MTFR1L: variants seen among roughly 807,000 people sequenced by gnomAD.
The protein encoded by MTFR1L is mitochondrial fission regulator 1-like.
In MTFR1L, 10 loss-of-function variants were observed where a neutral mutation model predicts 27.9. That is an observed-to-expected ratio of 0.36 (90% CI 0.22 to 0.61). MTFR1L has a LOEUF of 0.61. MTFR1L is among the 20% of genes least tolerant of loss of function. The pLI is 0.73. For missense variants in MTFR1L, 315 were observed against 363.7 expected (o/e 0.87, Z 1.09); for synonymous variants, 151 against 139.4 (o/e 1.08, Z -0.58).
In MTFR1L at chr1:25,826,920, GT is replaced by G; in HGVS notation, c.451+97del. The G allele has an allele frequency of 7.1e-7, 1 of 1,403,204 alleles. No individual in the cohort carries two copies. The highest frequency in any genetic ancestry group is 9.7e-7 in the Non-Finnish European group (1 of 1,027,862). The allele number at this position is 1,403,204 out of a possible 1,614,324, so 86.9% of individuals were successfully genotyped here. ...GGGGTAAAGAAAGTGGTAATCCTTG[GT>G]TTGCAGGTACTTAGGTTCCGGGCCC... is the stretch of plus-strand genomic sequence containing the variant. On this transcript the variant is annotated intron_variant, in intron 5 of 6. Coordinates refer to ENST00000374303, the MANE Select transcript of MTFR1L (RefSeq NM_001099625.2). This position sits in a 1 kb window ranked among gnomAD's most constrained non-coding sequence, Gnocchi z 4.1.
chr1:25,826,273 A>C lies in MTFR1L; in HGVS notation c.130-29A>C. 15 of 1,597,744 alleles carry C rather than the reference A, an allele frequency of 9.4e-6. No homozygotes were observed. The highest frequency in any genetic ancestry group is 1.3e-5 in the Non-Finnish European group (15 of 1,165,676). On this transcript the variant is annotated intron_variant, in intron 3 of 6. Transcript: ENST00000374303. The surrounding 1 kb of genome is among the most constrained non-coding windows in gnomAD (Gnocchi z 4.1). ...CTGATTGGCTCATCATGGCATCTGT[A>C]AATGTTGATGACTTTTGCTTCTCCA...
In MTFR1L at chr1:25,832,295, AGTT is replaced by A. The variant is rs2048255879; in HGVS notation, c.*273_*275del. On this transcript the variant is annotated 3_prime_UTR_variant, in exon 7 of 7. Transcript: ENST00000374303. ...ATCTTAGTTTAAAGGGTAAGAGAGA[AGTT>A]GTTTCTGGTTTTTCCTTGCCCCTGT... is the stretch of plus-strand genomic sequence containing the variant. 9.9e-7 allele frequency: 1 copy of A among 1,013,124 alleles called. No individual in the cohort carries two copies. Among genetic ancestry groups the A allele is most frequent in the Non-Finnish European group, 1.4e-6 (1 of 701,692 alleles). 62.8% of individuals were successfully genotyped at this position (1,013,124 alleles called of 1,614,324 possible).
In MTFR1L at chr1:25,831,905, A is replaced by G; in HGVS notation, c.774-16A>G. 3 of 1,598,614 alleles carry G rather than the reference A, an allele frequency of 1.9e-6. No homozygotes were observed. Among genetic ancestry groups the G allele is most frequent in the Admixed American group, 1.7e-5 (1 of 60,006 alleles). ...ACAGGAAAGAGTAAGTACTCAAGCTATTATTGTGTCTCTAGGAACCGGAGT... is the reference window on the plus strand; with the variant it reads ...ACAGGAAAGAGTAAGTACTCAAGCTGTTATTGTGTCTCTAGGAACCGGAGT... On this transcript the variant is annotated splice_polypyrimidine_tract_variant and intron_variant, in intron 6 of 6. Transcript: ENST00000374303.
In MTFR1L at chr1:25,823,727, G is replaced by A. The variant is rs201755779; in HGVS notation, c.108G>A (p.Pro36=). 1.4e-5 allele frequency: 23 copies of A among 1,614,000 alleles called. No homozygotes were observed. Among genetic ancestry groups the A allele is most frequent in the South Asian group, 5.5e-5 (5 of 91,068 alleles). ...TTGGGACCAACCTACCCTTGAAGCC[G>A]TGTGCCCGGGCGTCCTTTGAGGTGA... ...RRIGTNLPLK[P]CARASFETLP... Residue 36 remains proline, a synonymous_variant, in exon 3 of 7, where the codon CCG becomes CCA. Transcript: ENST00000374303.
rs986543324 is a variant in MTFR1L, at chr1:25,832,833, C to T, written c.*807C>T. 1 of 154,288 alleles carries T rather than the reference C, an allele frequency of 6.5e-6. No individual in the cohort carries two copies. The highest frequency in any genetic ancestry group is 6.4e-5 in the Admixed American group (1 of 15,668). The allele number at this position is 154,288 out of a possible 1,614,324, so 9.6% of individuals were successfully genotyped here. A position where few individuals can be genotyped will look rare whatever the true frequency, so the allele number is the denominator to read the frequency against. ...GGGCCAAGGTTTGTATGTACCACAC[C>T]ATGCATGACTCAGATGCCCTCAGGT... is the stretch of plus-strand genomic sequence containing the variant. On this transcript the variant is annotated 3_prime_UTR_variant, in exon 7 of 7. Transcript: ENST00000374303.
intron 5 of MTFR1L, 42 bp from the exon 6 acceptor site, chr1:25,829,467 C>G (rs1168914555): frequency 2.6e-6 from 4 of 1,556,510 alleles, no homozygotes; most frequent in Middle Eastern, 1.7e-4. Flanking sequence ...CTACTGTGTT[C>G]TAGCCCCAAT....
chr1:25,828,300 TG>T (rs2048193027), intron 5 of MTFR1L, among the ~76,000 whole-genome samples: 1 of 152,224 alleles, frequency 6.6e-6, no homozygotes, highest in Non-Finnish European at 1.5e-5. Flanking sequence ...TAAAATACAG[TG>T]GTCGGGCACT....
intron 5 of MTFR1L, among the ~76,000 whole-genome samples, chr1:25,827,681 T>G (rs2124480028): frequency 6.6e-6 from 1 of 152,130 alleles, no homozygotes; most frequent in Non-Finnish European, 1.5e-5. Context: ...CCTCAAGCAA[T>G]CCACCCAGCT....
chr1:25,823,599 G>T (rs1396314372), intron 2 of MTFR1L, 45 bp from the exon 3 acceptor site: 3 of 1,602,368 alleles, frequency 1.9e-6, no homozygotes, highest in Non-Finnish European at 2.6e-6. Context: ...ACAGTAGTTG[G>T]ATTCATTCTC....
At position 25,832,157 on chromosome 1, in the gene MTFR1L, G is replaced by C. The variant is rs770546738; in HGVS notation, c.*131G>C. 210 of 1,561,058 alleles carry C rather than the reference G, an allele frequency of 1.3e-4. No individual in the cohort carries two copies. Among genetic ancestry groups the C allele is most frequent in the Non-Finnish European group, 4.8e-5 (55 of 1,156,808 alleles). On this transcript the variant is annotated 3_prime_UTR_variant, in exon 7 of 7. Transcript: ENST00000374303. ...AGTCTTGCTGACAAGCTAGAGCTTG[G>C]ACTGAAAGAGAAGAGCTGGATTATA...
At chr1:25,823,398 C>T (rs924429734) in intron 2 of MTFR1L, 1 of 730,532 alleles carries the variant, frequency 1.4e-6, no homozygotes, top group South Asian at 1.5e-5. Flanking sequence ...TTCCTCTCCC[C>T]TTCCCTGACC....
intron 6 of MTFR1L, 41 bp from the exon 7 acceptor site, chr1:25,831,880 A>C: frequency 6.6e-7 from 1 of 1,513,942 alleles, no homozygotes; most frequent in African/African-American, 1.4e-5. Flanking sequence ...ACAGCACTAC[A>C]CAGGAAAGAG....
chr1:25,824,602 G>A (rs1235308083), intron 3 of MTFR1L, among the ~76,000 whole-genome samples: 1 of 152,186 alleles, frequency 6.6e-6, no homozygotes, highest in Non-Finnish European at 1.5e-5. Flanking sequence ...TGTAGGAACT[G>A]GATCTGGAAT....
intron 6 of MTFR1L, among the ~76,000 whole-genome samples, chr1:25,830,521 C>G (rs1220421706): frequency 1.3e-5 from 2 of 152,168 alleles, no homozygotes; most frequent in Admixed American, 1.3e-4. Flanking sequence ...GGAGTCACCC[C>G]ATTGCATAGT....
In MTFR1L at chr1:25,832,635, A is replaced by G. The variant is rs1355433009; in HGVS notation, c.*609A>G. The G allele has an allele frequency of 6.0e-6, 1 of 166,922 alleles. No homozygotes were observed. Among genetic ancestry groups the G allele is most frequent in the Non-Finnish European group, 1.3e-5 (1 of 74,918 alleles). The allele number at this position is 166,922 out of a possible 1,614,324, so 10.3% of individuals were successfully genotyped here. ...GCCTGGGCTGTTTTTTTTCTTAAAC[A>G]CATTTTATATTACTGAACAACCAAA... On this transcript the variant is annotated 3_prime_UTR_variant, in exon 7 of 7. Coordinates refer to ENST00000374303, the MANE Select transcript of MTFR1L (RefSeq NM_001099625.2).
Position 25,831,977 on chromosome 1 carries a change from G to A in MTFR1L, c.830G>A (p.Arg277Lys). The A allele has an allele frequency of 6.2e-7, 1 of 1,614,194 alleles. No individual in the cohort carries two copies. Among genetic ancestry groups the A allele is most frequent in the South Asian group, 1.1e-5 (1 of 91,082 alleles). The change falls in exon 7 of 7, where the codon AGG becomes AAG. Residue 277 changes from arginine (R) to lysine (K), a missense_variant. Transcript: ENST00000374303. ...DPAVLISEVL[R>K]RKFALKEEDI... is the part of the protein sequence containing the mutation. ...GCTGTGCTTATCTCTGAGGTCCTAA[G>A]GAGGAAGTTTGCTCTAAAGGAAGAA...
chr1:25,832,204 T>C lies in MTFR1L; in HGVS notation c.*178T>C, dbSNP rs1020579378. ...TATATATTTCCCAGACTTCAAACCC[T>C]AGCAGAAGCTAAGGCTTGTGATTTG... On this transcript the variant is annotated 3_prime_UTR_variant, in exon 7 of 7. Coordinates refer to ENST00000374303, the MANE Select transcript of MTFR1L (RefSeq NM_001099625.2). 2 of 1,520,674 alleles carry C rather than the reference T, an allele frequency of 1.3e-6. No individual in the cohort carries two copies. Among genetic ancestry groups the C allele is most frequent in the African/African-American group, 2.7e-5 (2 of 72,766 alleles). 94.2% of individuals were successfully genotyped at this position (1,520,674 alleles called of 1,614,324 possible). A position where few individuals can be genotyped will look rare whatever the true frequency, so the allele number is the denominator to read the frequency against.
intron 1 of MTFR1L, chr1:25,820,490 C>T: frequency 2.7e-6 from 1 of 364,182 alleles, no homozygotes; most frequent in Non-Finnish European, 5.2e-6. Flanking sequence ...CGCGGGTCTC[C>T]GGCCACTGCT....
intron 1 of MTFR1L, chr1:25,821,533 C>T (rs547740886): frequency 1.3e-5 from 2 of 152,426 alleles, no homozygotes; most frequent in East Asian, 3.9e-4. Context: ...GTGAATGACA[C>T]CTCGTCTCCC....
Sources: allele counts gnomAD v4.1 joint callset (sites outside exome capture counted in the v4.1 genomes callset), GRCh38; gene constraint gnomAD v4.1.1; non-coding constraint Gnocchi (gnomAD v3.1); transcripts MANE v1.5; gene names NCBI Gene and HGNC (gene_info 2026-07-23, HGNC 2026-07-21).